Variants in INPP4B observed in about 807,000 individuals in gnomAD.
The protein encoded by INPP4B is inositol polyphosphate-4-phosphatase type II B, also known as inositol polyphosphate 4-phosphatase type II.
INPP4B carries 55 observed loss-of-function variants against 122.5 expected under a neutral mutation model. The observed-to-expected ratio is 0.45, with a 90% CI of 0.36 to 0.56. The LOEUF is 0.56. Ranked by LOEUF, INPP4B falls within the 20% of genes least tolerant of loss-of-function variation. The pLI, the probability that INPP4B is intolerant of heterozygous loss-of-function variation, is 0.00. For missense variants in INPP4B, 1,000 were observed against 1,097.7 expected, an observed-to-expected ratio of 0.91 and a Z score of 1.26; for synonymous variants, 403 against 388.7, an observed-to-expected ratio of 1.04 and a Z score of -0.43.
At chr4:142,534,135 G>A (rs1330858221) in intron 2 of INPP4B, among the ~76,000 whole-genome samples, 5 of 152,052 alleles carry the variant, frequency 3.3e-5, no homozygotes, top group East Asian at 1.9e-4. Flanking sequence ...AATGCCTTTA[G>A]TGTTTTATGC....
At chr4:142,525,493 A>C (rs1189492316) in intron 2 of INPP4B, among the ~76,000 whole-genome samples, 12 of 91,798 alleles carry the variant, frequency 1.3e-4, no homozygotes, top group Non-Finnish European at 3.3e-4. Flanking sequence ...AAACTATACT[A>C]CAAGGCTATA....
At chr4:142,123,247 T>G in intron 20 of INPP4B, 45 bp downstream of exon 20, 1 of 1,465,538 alleles carries the variant, frequency 6.8e-7, no homozygotes, top group Non-Finnish European at 9.2e-7. Context: ...TAAATGTCCT[T>G]CTGAATAGAA....
At position 142,846,094 on chromosome 4, in the gene INPP4B, A is replaced by G. The variant is rs1229142063; in HGVS notation, c.-254+115T>C. 2 of 152,380 alleles carry G rather than the reference A, an allele frequency of 1.3e-5. No homozygotes were observed. The highest frequency in any genetic ancestry group is 6.5e-5 in the Admixed American group (1 of 15,290). The allele number at this position is 152,380 out of a possible 1,614,324, so 9.4% of individuals were successfully genotyped here. Reference sequence around the variant, plus strand: ...CAAAACAGACAGGCTCCCCCCTCCAAGACGTGCCGCCACGCTCTCAGACAC... The same window carrying G: ...CAAAACAGACAGGCTCCCCCCTCCAGGACGTGCCGCCACGCTCTCAGACAC... On this transcript the variant is annotated intron_variant, in intron 1 of 25. Transcript: ENST00000262992. This position sits in a 1 kb window ranked among gnomAD's most constrained non-coding sequence, Gnocchi z 5.1.
At chr4:142,266,709 C>T (rs1252401131) in intron 10 of INPP4B, among the ~76,000 whole-genome samples, 1 of 151,952 alleles carries the variant, frequency 6.6e-6, no homozygotes, top group Non-Finnish European at 1.5e-5. Flanking sequence ...AAAGTTCTAG[C>T]TGGAACAATC....
chr4:142,736,098 G>A (rs1327782033), intron 1 of INPP4B, among the ~76,000 whole-genome samples: 2 of 152,044 alleles, frequency 1.3e-5, no homozygotes, highest in Non-Finnish European at 2.9e-5. Context: ...TCCATAAACT[G>A]CAGCATCACC....
intron 2 of INPP4B, among the ~76,000 whole-genome samples, chr4:142,589,538 A>C (rs986358704): frequency 6.6e-6 from 1 of 152,082 alleles, no homozygotes; most frequent in Non-Finnish European, 1.5e-5. Context: ...GATCAACATA[A>C]ATTTTCCTCA....
intron 11 of INPP4B, among the ~76,000 whole-genome samples, chr4:142,253,822 G>A (rs1326612555): frequency 6.6e-6 from 1 of 152,222 alleles, no homozygotes; most frequent in Non-Finnish European, 1.5e-5. Flanking sequence ...AAACAAAGCA[G>A]CCAGGAAGCT....
At chr4:142,030,540 G>A (rs558329166) in intron 25 of INPP4B, among the ~76,000 whole-genome samples, 2 of 152,230 alleles carry the variant, frequency 1.3e-5, no homozygotes, top group African/African-American at 4.8e-5. Context: ...CAAGAAGGAA[G>A]AGAGAAACAC....
At chr4:142,682,152 T>G (rs1293147950) in intron 2 of INPP4B, among the ~76,000 whole-genome samples, 1 of 151,944 alleles carries the variant, frequency 6.6e-6, no homozygotes, top group Non-Finnish European at 1.5e-5. Context: ...AAAATGATTT[T>G]ACAAGAAGTT....
chr4:142,288,323 G>A lies in INPP4B; in HGVS notation c.503+17135C>T, dbSNP rs1458992985. Among the ~76,000 whole-genome samples the A allele has an allele frequency of 2.0e-5, 3 of 152,330 alleles. No homozygotes were observed. In the South Asian group the frequency reaches 6.2e-4, roughly 32 times the overall value. On this transcript the variant is annotated intron_variant, in intron 9 of 25. Coordinates refer to ENST00000262992, the MANE Select transcript of INPP4B (RefSeq NM_001101669.3). ...TACTAGGCCGGGCGTGTTGGCTCAC[G>A]CCTGTAATCCCAGCACTTTGAGAGG... is the stretch of plus-strand genomic sequence containing the variant.
chr4:142,142,335 G>A (rs1019132355), intron 18 of INPP4B, among the ~76,000 whole-genome samples: 2 of 152,092 alleles, frequency 1.3e-5, no homozygotes, highest in Non-Finnish European at 2.9e-5. Flanking sequence ...CAGGAAATAA[G>A]TGAAAATATT....
chr4:142,421,895 T>C (rs1806984621), intron 5 of INPP4B, among the ~76,000 whole-genome samples: 1 of 152,078 alleles, frequency 6.6e-6, no homozygotes. Flanking sequence ...ATTATTAAAG[T>C]TGTTTATCCT....
intron 14 of INPP4B, among the ~76,000 whole-genome samples, chr4:142,198,483 T>C (rs192161678): frequency 1.3e-5 from 2 of 152,080 alleles, no homozygotes; most frequent in East Asian, 3.9e-4. Context: ...AATACTTTTT[T>C]CTTAAGCTTT....
At chr4:142,305,191 A>C (rs570416786) in intron 9 of INPP4B, among the ~76,000 whole-genome samples, 4 of 152,314 alleles carry the variant, frequency 2.6e-5, no homozygotes, top group Non-Finnish European at 5.9e-5. Flanking sequence ...TTACTTTCTT[A>C]CTTTCAAAGA....
chr4:142,820,197 G>A (rs1284666754), intron 1 of INPP4B, among the ~76,000 whole-genome samples: 1 of 152,156 alleles, frequency 6.6e-6, no homozygotes, highest in Non-Finnish European at 1.5e-5. Flanking sequence ...CCATGTTGAA[G>A]TCTTATCCCA....
At chr4:142,818,918 A>G (rs1277005490) in intron 1 of INPP4B, among the ~76,000 whole-genome samples, 2 of 152,278 alleles carry the variant, frequency 1.3e-5, no homozygotes, top group South Asian at 2.1e-4. Context: ...TTTTTGGTCC[A>G]CTAGCATGTG....
chr4:142,687,232 C>T (rs1759475783), intron 2 of INPP4B, among the ~76,000 whole-genome samples: 1 of 151,998 alleles, frequency 6.6e-6, no homozygotes, highest in Non-Finnish European at 1.5e-5. Flanking sequence ...TACCTGAGGA[C>T]TCATAAACTT....
intron 2 of INPP4B, among the ~76,000 whole-genome samples, chr4:142,628,557 T>TAA (rs35955830): frequency 1.8e-4 from 18 of 99,854 alleles, no homozygotes; most frequent in South Asian, 1.0e-3. Context: ...AAACTTAAAG[T>TAA]AAAAAAAAAA....
chr4:142,048,005 C>T (rs559721634), intron 25 of INPP4B, among the ~76,000 whole-genome samples: 3 of 151,482 alleles, frequency 2.0e-5, no homozygotes, highest in Non-Finnish European at 2.9e-5. Flanking sequence ...CATAAAAGTT[C>T]CTATGTATTA....
Sources: allele counts gnomAD v4.1 joint callset (sites outside exome capture counted in the v4.1 genomes callset), GRCh38; gene constraint gnomAD v4.1.1; non-coding constraint Gnocchi (gnomAD v3.1); transcripts MANE v1.5; gene names NCBI Gene and HGNC (gene_info 2026-07-23, HGNC 2026-07-21).